TENM4: variants seen among roughly 807,000 people sequenced by gnomAD.
TENM4 encodes the protein teneurin transmembrane protein 4, also known as teneurin-4.
A neutral mutation model predicts 243.3 loss-of-function variants in TENM4; 82 were observed. The ratio of observed to expected loss-of-function variants is 0.34; its 90% CI spans 0.28 to 0.40. TENM4 has a LOEUF of 0.40. Ranked by LOEUF, TENM4 falls within the 10% of genes least tolerant of loss-of-function variation. TENM4 has a pLI of 1.00. For missense variants in TENM4, 3,138 were observed against 3,673.3 expected (o/e 0.85, Z 3.77); for synonymous variants, 1,412 against 1,456.3 (o/e 0.97, Z 0.69).
Position 79,061,327 on chromosome 11 carries a change from G to T in TENM4, c.493+3411C>A, listed in dbSNP as rs575416018. Among the ~76,000 whole-genome samples the T allele has an allele frequency of 1.1e-4, 16 of 152,268 alleles. No homozygotes were observed. In the South Asian group the frequency reaches 3.3e-3, roughly 32 times the overall value. ...GCACCTATGGGGAGTCTAGGTTTAGGGAGTCCAGTCTTGGAAGGGATGTGG... is the reference window on the plus strand; with the variant it reads ...GCACCTATGGGGAGTCTAGGTTTAGTGAGTCCAGTCTTGGAAGGGATGTGG... On this transcript the variant is annotated intron_variant, in intron 6 of 33. Transcript: ENST00000278550.
chr11:78,930,077 C>T (rs573270743), intron 6 of TENM4, among the ~76,000 whole-genome samples: 1 of 152,180 alleles, frequency 6.6e-6, no homozygotes, highest in African/African-American at 2.4e-5. Context: ...GCTTGTGGTC[C>T]CCAAGGGAAA....
chr11:79,304,518 ATCAGG>A (rs1366726243), intron 1 of TENM4, among the ~76,000 whole-genome samples: 11 of 152,150 alleles, frequency 7.2e-5, no homozygotes, highest in African/African-American at 2.4e-4. Flanking sequence ...TCCACTGCTG[ATCAGG>A]TCCTTGAAAC....
At chr11:79,138,375 AAT>A (rs1488803041) in intron 4 of TENM4, among the ~76,000 whole-genome samples, 1 of 122,542 alleles carries the variant, frequency 8.2e-6, no homozygotes, top group Non-Finnish European at 1.6e-5. Context: ...ATATAAATAT[AAT>A]ATATATTATA....
At chr11:79,057,915 C>T (rs918671985) in intron 6 of TENM4, among the ~76,000 whole-genome samples, 4 of 152,144 alleles carry the variant, frequency 2.6e-5, no homozygotes, top group South Asian at 2.1e-4. Flanking sequence ...TGTTACAGTC[C>T]TTTCCAGCCC....
At chr11:78,893,966 A>T (rs1591107071) in intron 7 of TENM4, among the ~76,000 whole-genome samples, 1 of 152,212 alleles carries the variant, frequency 6.6e-6, no homozygotes, top group African/African-American at 2.4e-5. Context: ...CACAAGGCAG[A>T]AGTCTTATCT....
intron 6 of TENM4, among the ~76,000 whole-genome samples, chr11:78,931,996 C>T (rs763142571): frequency 6.6e-6 from 1 of 152,064 alleles, no homozygotes; most frequent in South Asian, 2.1e-4. Context: ...TCATCTCTAA[C>T]AACAACAAAA....
At chr11:79,419,679 A>T (rs1858890812) in intron 1 of TENM4, among the ~76,000 whole-genome samples, 1 of 152,200 alleles carries the variant, frequency 6.6e-6, no homozygotes, top group Non-Finnish European at 1.5e-5. Context: ...AATGAAGATA[A>T]CACCCATAAC....
chr11:78,861,133 T>G (rs182593401), intron 10 of TENM4, among the ~76,000 whole-genome samples: 1 of 152,354 alleles, frequency 6.6e-6, no homozygotes, highest in South Asian at 2.1e-4. Context: ...CTTCACATTA[T>G]GGTATTAACC....
Position 79,008,555 on chromosome 11 carries a change from C to A in TENM4, c.493+56183G>T, listed in dbSNP as rs574732685. 5.3e-5 allele frequency among the ~76,000 whole-genome samples: 8 copies of A among 152,260 alleles called. 1 individual carries two copies. In the South Asian group the frequency reaches 1.7e-3, roughly 32 times the overall value. Reference sequence around the variant, plus strand: ...TTTGCTTAACATTTTATGATAAACACTTTGAAGCCATGAAAGCCTCTTTGT... The same window carrying A: ...TTTGCTTAACATTTTATGATAAACAATTTGAAGCCATGAAAGCCTCTTTGT... On this transcript the variant is annotated intron_variant, in intron 6 of 33. Transcript: ENST00000278550.
chr11:78,805,223 G>T (rs916741012), intron 15 of TENM4, 69 bp downstream of exon 15: 3 of 663,866 alleles, frequency 4.5e-6, no homozygotes, highest in Non-Finnish European at 5.9e-6. Context: ...GAACAGTCAC[G>T]TGATTGGTGA....
At chr11:79,199,606 A>G (rs1326801498) in intron 3 of TENM4, among the ~76,000 whole-genome samples, 4 of 152,220 alleles carry the variant, frequency 2.6e-5, no homozygotes, top group Admixed American at 1.3e-4. Context: ...GAGCTCTCTC[A>G]GGGAATGCCC....
At chr11:79,281,116 T>C (rs1158297522) in intron 2 of TENM4, among the ~76,000 whole-genome samples, 1 of 152,128 alleles carries the variant, frequency 6.6e-6, no homozygotes, top group Admixed American at 6.5e-5. Flanking sequence ...ATGAAGGAGA[T>C]GCACCTCAGC....
chr11:78,781,785 G>A (rs192309378), intron 16 of TENM4, among the ~76,000 whole-genome samples: 2 of 152,264 alleles, frequency 1.3e-5, no homozygotes, highest in East Asian at 1.9e-4. Context: ...TTTCGGATGG[G>A]TGACAAACCA....
At chr11:79,105,852 T>A (rs1861352828) in intron 4 of TENM4, among the ~76,000 whole-genome samples, 1 of 152,246 alleles carries the variant, frequency 6.6e-6, no homozygotes, top group African/African-American at 2.4e-5. Flanking sequence ...CCGGGTGAAC[T>A]CTACTTAGTA....
In TENM4 at chr11:78,903,484, G is replaced by A. The variant is rs572476843; in HGVS notation, c.533C>T (p.Thr178Met). 4.5e-6 allele frequency: 7 copies of A among 1,547,336 alleles called. No individual in the cohort carries two copies. The South Asian group carries it at 4.8e-5, about 11-fold the overall frequency. The change falls in exon 7 of 34, where the codon ACG (threonine) becomes ATG (methionine). Residue 178 changes from threonine to methionine, a missense_variant. Physicochemically the swap from Thr to Met is moderately conservative, Grantham distance 81. Transcript: ENST00000278550. ...GGCGTGCGAGAGCGGCGGCGGCGGC[G>A]TCCGGAGCCGCGCGTGGTTCTGCAG... ...GGLQNHARLR[T>M]PPPPLSHAHT...
chr11:79,317,750 T>C (rs566640779), intron 1 of TENM4, among the ~76,000 whole-genome samples: 1 of 152,314 alleles, frequency 6.6e-6, no homozygotes, highest in South Asian at 2.1e-4. Flanking sequence ...CTTTCTGCCT[T>C]AGTTTCAAAC....
intron 9 of TENM4, among the ~76,000 whole-genome samples, chr11:78,883,604 A>T (rs10793349): frequency 0.51 from 77,251 of 152,144 alleles, 23,781 homozygotes; most frequent in East Asian, 0.78. Context: ...TTCGTCTCCT[A>T]TTCCAAAGGC....
At chr11:79,076,114 A>G (rs1860529893) in intron 4 of TENM4, among the ~76,000 whole-genome samples, 1 of 152,206 alleles carries the variant, frequency 6.6e-6, no homozygotes, top group Non-Finnish European at 1.5e-5. Context: ...AGGGAAGAAG[A>G]CATATGTGTT....
At chr11:78,903,766 G>A (rs975614858) in intron 6 of TENM4, 6 of 717,386 alleles carry the variant, frequency 8.4e-6, no homozygotes, top group African/African-American at 7.0e-5. Context: ...AATTCTAGCA[G>A]GGGAGTGAAA....
Sources: allele counts gnomAD v4.1 joint callset (sites outside exome capture counted in the v4.1 genomes callset), GRCh38; gene constraint gnomAD v4.1.1; transcripts MANE v1.5; gene names NCBI Gene and HGNC (gene_info 2026-07-23, HGNC 2026-07-21).